Variants in COL16A1 observed in about 807,000 individuals in gnomAD.
The protein encoded by COL16A1 is collagen type XVI alpha 1 chain, also known as collagen alpha-1(XVI) chain.
In COL16A1, 189 loss-of-function variants were observed where a neutral mutation model predicts 266.3. The ratio of observed to expected loss-of-function variants is 0.71; its 90% confidence interval spans 0.63 to 0.80. The LOEUF is 0.80. COL16A1 is among the 30% of genes least tolerant of loss of function. COL16A1 has a pLI of 0.00. For missense variants in COL16A1, 1,928 were observed against 2,122.4 expected (o/e 0.91, Z 1.80); for synonymous variants, 740 against 782.3 (o/e 0.95, Z 0.90).
chr1:31,661,328 G>T, intron 60 of COL16A1, 86 bp downstream of exon 60: 1 of 1,602,978 alleles, frequency 6.2e-7, no homozygotes, highest in Non-Finnish European at 8.5e-7. Flanking sequence ...TGGCCTCTCT[G>T]CCCAGGATAG....
At chr1:31,661,545 A>G (rs1641666603) in intron 59 of COL16A1, 87 bp from the exon 60 acceptor site, 1 of 1,612,662 alleles carries the variant, frequency 6.2e-7, no homozygotes, top group African/African-American at 1.3e-5. Context: ...AAACAATTCA[A>G]ACCAATCCAA....
rs1286443025 is a variant in COL16A1 at position 31,692,066 on chromosome 1, C to T, written c.1196G>A (p.Gly399Asp). ...SGLPGSTGEK[G>D]QKGEKGDGGI... ...TCCGTCGCCCTTCTCGCCTTTCTGGCCCTGGGGAAGGAAGAAGCAGAGTGA... is the reference window on the plus strand; with the variant it reads ...TCCGTCGCCCTTCTCGCCTTTCTGGTCCTGGGGAAGGAAGAAGCAGAGTGA... Residue 399 changes from glycine (G) to aspartate (D), a missense_variant and splice_region_variant, in exon 17 of 71, where the codon GGC becomes GAC. Around this residue, in one of 2 missense-constraint regions of COL16A1, gnomAD observed 1,552 missense variants for 1,637.2 expected, o/e 0.95. Coordinates refer to ENST00000373672, the MANE Select transcript of COL16A1 (RefSeq NM_001856.4). The T allele has an allele frequency of 1.9e-6, 3 of 1,613,658 alleles. No individual in the cohort carries two copies. Among genetic ancestry groups the T allele is most frequent in the Non-Finnish European group, 1.7e-6 (2 of 1,179,992 alleles).
In COL16A1 at chr1:31,681,198, A is replaced by G. The variant is rs1643617103; in HGVS notation, c.2539-131T>C. On this transcript the variant is annotated intron_variant, in intron 37 of 70. Transcript: ENST00000373672. ...CCCTGGAGCCCAGGGCCGAGGGCCC[A>G]CGTTCCAGAGGAGGAGACTGAGGTG... 6.1e-6 allele frequency: 8 copies of G among 1,307,616 alleles called. No individual in the cohort carries two copies. In the South Asian group the frequency reaches 1.1e-4, roughly 17 times the overall value. The allele number at this position is 1,307,616 out of a possible 1,614,324, so 81.0% of individuals were successfully genotyped here. A position where few individuals can be genotyped will look rare whatever the true frequency, so the allele number is the denominator to read the frequency against.
At chr1:31,696,879 T>C in intron 8 of COL16A1, 84 bp downstream of exon 8, 3 of 1,590,544 alleles carry the variant, frequency 1.9e-6, no homozygotes, top group Non-Finnish European at 2.6e-6. Flanking sequence ...CAACTGACCC[T>C]GGTGGCAGAC....
Position 31,685,546 on chromosome 1 carries a change from C to T in COL16A1, c.2016+93G>A. The T allele has an allele frequency of 1.4e-6, 2 of 1,468,266 alleles. No individual in the cohort carries two copies. Among genetic ancestry groups the T allele is most frequent in the Non-Finnish European group, 1.8e-6 (2 of 1,082,868 alleles). 91.0% of individuals were successfully genotyped at this position (1,468,266 alleles called of 1,614,324 possible). A position where few individuals can be genotyped will look rare whatever the true frequency, so the allele number is the denominator to read the frequency against. On this transcript the variant is annotated intron_variant, in intron 29 of 70. Coordinates refer to ENST00000373672, the MANE Select transcript of COL16A1 (RefSeq NM_001856.4). This position sits in a 1 kb window ranked among gnomAD's most constrained non-coding sequence, Gnocchi z 4.0. ...ACCCTCCCCACTACCCCCAACTGCC[C>T]AGGGAGTCAAGAGACCCAGGCAGGA...
chr1:31,691,464 G>A lies in COL16A1; in HGVS notation c.1351C>T (p.Pro451Ser), dbSNP rs199979082. 1 of 1,613,094 alleles carries A rather than the reference G, an allele frequency of 6.2e-7. No individual in the cohort carries two copies. Among genetic ancestry groups the A allele is most frequent in the South Asian group, 1.1e-5 (1 of 91,032 alleles). ...GPEGLAGEPG[P>S]PGLPGPPGIG... is the part of the protein sequence containing the mutation. ...CCAGGGGGTCCAGGGAGGCCGGGGG[G>A]CCCAGGCTCTCCTGCCAGCCCCTCA... The change falls in exon 19 of 71, where the codon CCC (proline) becomes TCC (serine). Residue 451 changes from proline to serine, a missense_variant. Coordinates refer to ENST00000373672, the MANE Select transcript of COL16A1 (RefSeq NM_001856.4).
chr1:31,697,860 T>C lies in COL16A1; in HGVS notation c.657+46A>G. On this transcript the variant is annotated intron_variant, in intron 6 of 70. Coordinates refer to ENST00000373672, the MANE Select transcript of COL16A1 (RefSeq NM_001856.4). The surrounding 1 kb of genome is among the most constrained non-coding windows in gnomAD (Gnocchi z 4.2). ...ACGGATTCCAGGAAGCCCACTCAGG[T>C]TCCCAGAAGGCAGGAACAGAGGTCA... 1.9e-6 allele frequency: 3 copies of C among 1,548,392 alleles called. No individual in the cohort carries two copies. The highest frequency in any genetic ancestry group is 2.6e-6 in the Non-Finnish European group (3 of 1,148,386).
Position 31,668,924 on chromosome 1 carries a change from C to G in COL16A1, c.3196-69G>C. On this transcript the variant is annotated intron_variant, in intron 49 of 70. Coordinates refer to ENST00000373672, the MANE Select transcript of COL16A1 (RefSeq NM_001856.4). This position sits in a 1 kb window ranked among gnomAD's most constrained non-coding sequence, Gnocchi z 5.8. Reference sequence around the variant, plus strand: ...CCACCCAGCCCCTGACTCCTTCCCCCTGCCCCACTGCCTTCTGTTCCCACT... The same window carrying G: ...CCACCCAGCCCCTGACTCCTTCCCCGTGCCCCACTGCCTTCTGTTCCCACT... 7.2e-7 allele frequency: 1 copy of G among 1,384,554 alleles called. No homozygotes were observed. 85.8% of individuals were successfully genotyped at this position (1,384,554 alleles called of 1,614,324 possible).
rs777238596 is a variant in COL16A1 at position 31,692,580 on chromosome 1, C to T, written c.1158+18G>A. ...CCTGGACCCACCATCCCTGCCCTAT[C>T]CCTGGTCCCACACTCACCAGAGCTC... On this transcript the variant is annotated intron_variant, in intron 15 of 70. Coordinates refer to ENST00000373672, the MANE Select transcript of COL16A1 (RefSeq NM_001856.4). The T allele has an allele frequency of 1.2e-6, 2 of 1,614,154 alleles. No homozygotes were observed. Among genetic ancestry groups the T allele is most frequent in the East Asian group, 4.5e-5 (2 of 44,878 alleles).
chr1:31,660,932 G>T, intron 61 of COL16A1, 134 bp downstream of exon 61: 1 of 1,025,486 alleles, frequency 9.8e-7, no homozygotes, highest in Non-Finnish European at 1.4e-6. Context: ...TGCAGTGTTG[G>T]GTGACACCCC....
chr1:31,658,531 C>G lies in COL16A1; in HGVS notation c.3977G>C (p.Gly1326Ala), dbSNP rs1641365455. ...RGATGERGLA[G>A]LPGQPGPPGH... ...AGGGGGGCCGGGCTGGCCTGGGAGG[C>G]CTGCAAGGCCCCTTTCTCCGGTGGC... is the stretch of plus-strand genomic sequence containing the variant. Residue 1326 changes from glycine (G) to alanine (A), a missense_variant, in exon 64 of 71, where the codon GGC becomes GCC. Physicochemically the swap from Gly to Ala is moderately conservative, Grantham distance 60. Coordinates refer to ENST00000373672, the MANE Select transcript of COL16A1 (RefSeq NM_001856.4). 1 of 1,605,030 alleles carries G rather than the reference C, an allele frequency of 6.2e-7. No homozygotes were observed. Among genetic ancestry groups the G allele is most frequent in the Non-Finnish European group, 8.5e-7 (1 of 1,176,786 alleles).
chr1:31,655,085 A>G (rs578088007), intron 67 of COL16A1, among the ~76,000 whole-genome samples: 2 of 149,866 alleles, frequency 1.3e-5, no homozygotes, highest in Middle Eastern at 3.4e-3. Flanking sequence ...TTCTCAATCC[A>G]AAGTCCTAAC....
intron 55 of COL16A1, 78 bp downstream of exon 55, chr1:31,665,505 C>G: frequency 6.2e-7 from 1 of 1,612,424 alleles, no homozygotes; most frequent in Non-Finnish European, 8.5e-7. Flanking sequence ...CCATCCTACC[C>G]CAGCCTGGCC....
intron 52 of COL16A1, among the ~76,000 whole-genome samples, chr1:31,667,011 A>T (rs1224740792): frequency 3.9e-5 from 6 of 152,174 alleles, no homozygotes; most frequent in African/African-American, 9.7e-5. Flanking sequence ...TAAATGCCTG[A>T]TGGAGTTTGC....
chr1:31,662,681 C>CA, intron 56 of COL16A1, 23 bp from the exon 57 acceptor site: 1 of 1,172,644 alleles, frequency 8.5e-7, no homozygotes. Context: ...GCCGCCCCCC[C>CA]CCCCCGCCCC....
chr1:31,665,371 A>G (rs1642038007), intron 55 of COL16A1, 137 bp from the exon 56 acceptor site: 2 of 1,429,486 alleles, frequency 1.4e-6, no homozygotes, highest in Non-Finnish European at 9.4e-7. Flanking sequence ...TGGGAGCATT[A>G]CGTCTGCCTG....
rs144935446 is a variant in COL16A1, at chr1:31,664,267, C to G, written c.3555+905G>C. ...GGCTCTGGGGAGGTAGTGAGGTGCCCGGGTCCTCCTGGAGCTGGGAAGGAA... is the reference window on the plus strand; with the variant it reads ...GGCTCTGGGGAGGTAGTGAGGTGCCGGGGTCCTCCTGGAGCTGGGAAGGAA... On this transcript the variant is annotated intron_variant, in intron 56 of 70. Coordinates refer to ENST00000373672, the MANE Select transcript of COL16A1 (RefSeq NM_001856.4). This position sits in a 1 kb window ranked among gnomAD's most constrained non-coding sequence, Gnocchi z 5.5. Among the ~76,000 whole-genome samples, 4 of 152,134 alleles carry G rather than the reference C, an allele frequency of 2.6e-5. No individual in the cohort carries two copies. Among genetic ancestry groups the G allele is most frequent in the Admixed American group, 6.5e-5 (1 of 15,274 alleles).
In COL16A1 at chr1:31,688,367, A is replaced by G. The variant is rs1422202471; in HGVS notation, c.1803+100T>C. ...ATTTCACTGTGAATTTACCGTCTGA[A>G]TCTCTTGTTTATATTACCCTTATTC... On this transcript the variant is annotated intron_variant, in intron 26 of 70. Transcript: ENST00000373672. This position sits in a 1 kb window ranked among gnomAD's most constrained non-coding sequence, Gnocchi z 4.9. 7.7e-7 allele frequency: 1 copy of G among 1,303,618 alleles called. No individual in the cohort carries two copies. Among genetic ancestry groups the G allele is most frequent in the Non-Finnish European group, 1.1e-6 (1 of 904,192 alleles). 80.8% of individuals were successfully genotyped at this position (1,303,618 alleles called of 1,614,324 possible). A position where few individuals can be genotyped will look rare whatever the true frequency, so the allele number is the denominator to read the frequency against.
In COL16A1 at chr1:31,679,948, G is replaced by A. The variant is rs901457730; in HGVS notation, c.2670+94C>T. 77 of 1,569,080 alleles carry A rather than the reference G, an allele frequency of 4.9e-5. No individual in the cohort carries two copies. In the African/African-American group the frequency reaches 8.3e-4, roughly 17 times the overall value. On this transcript the variant is annotated intron_variant, in intron 40 of 70. Coordinates refer to ENST00000373672, the MANE Select transcript of COL16A1 (RefSeq NM_001856.4). ...GTGGGGAGGCGGCTGGCTGGGGTGC[G>A]TGGCCCTGCGGGGCCTTTGCACACT...
Sources: gnomAD v4.1 joint callset for allele counts (sites outside exome capture counted in the v4.1 genomes callset) on GRCh38, gnomAD v4.1.1 for gene constraint, gnomAD v4.1.1 regional missense constraint, Gnocchi (gnomAD v3.1) non-coding constraint, MANE v1.5 for transcripts, NCBI Gene and HGNC (gene_info 2026-07-23, HGNC 2026-07-21) for gene names.